ATP10B: variants seen among roughly 807,000 people sequenced by gnomAD.
The protein encoded by ATP10B is ATPase phospholipid transporting 10B (putative), also known as phospholipid-transporting ATPase VB.
In ATP10B, 122 loss-of-function variants were observed where a neutral mutation model predicts 141.2. That is an observed-to-expected ratio of 0.86 (90% confidence interval 0.75 to 1.00). The LOEUF (loss-of-function observed/expected upper bound fraction) is 1.00. Among genes scored for constraint, ATP10B ranks in the 50% least tolerant of loss-of-function variants. The pLI is 0.00. For synonymous variants in ATP10B, 685 were observed against 692.0 expected (o/e 0.99, Z 0.16); for missense variants, 1,876 against 1,825.3 (o/e 1.03, Z -0.51).
the ATP10B span, among the ~76,000 whole-genome samples, chr5:160,889,457 C>G: frequency 6.6e-6 from 1 of 152,194 alleles, no homozygotes; most frequent in African/African-American, 2.4e-5. Flanking sequence ...CCCCAAAGAA[C>G]TGATCAGCTG....
the ATP10B span, among the ~76,000 whole-genome samples, chr5:160,878,730 T>C: frequency 6.6e-6 from 1 of 152,152 alleles, no homozygotes; most frequent in African/African-American, 2.4e-5. Flanking sequence ...GCGAAGGACA[T>C]GAACAGACAC....
chr5:160,579,637 C>T (rs1325700139), intron 24 of ATP10B, among the ~76,000 whole-genome samples: 1 of 152,056 alleles, frequency 6.6e-6, no homozygotes, highest in Non-Finnish European at 1.5e-5. Context: ...TTAGCATTGT[C>T]TTGTCTATAT....
intron 2 of ATP10B, among the ~76,000 whole-genome samples, chr5:160,764,044 G>C (rs181916452): frequency 1.9e-4 from 29 of 152,088 alleles, no homozygotes; most frequent in Admixed American, 1.9e-3. Context: ...ATAACAAGTA[G>C]CATGATTGAA....
At chr5:160,747,927 T>C (rs1311591384) in intron 2 of ATP10B, among the ~76,000 whole-genome samples, 1 of 139,186 alleles carries the variant, frequency 7.2e-6, no homozygotes, top group Admixed American at 7.4e-5. Flanking sequence ...AAGTCCACCA[T>C]AGACCCTTAG....
In ATP10B at chr5:160,652,705, C is replaced by T. The variant is rs1760847615; in HGVS notation, c.676-3449G>A. 2.5e-5 allele frequency among the ~76,000 whole-genome samples: 3 copies of T among 122,400 alleles called. 1 individual carries two copies. Among genetic ancestry groups the T allele is most frequent in the African/African-American group, 6.3e-5 (2 of 31,770 alleles). 80.3% of individuals were successfully genotyped at this position (122,400 alleles called of 152,430 possible). A position where few individuals can be genotyped will look rare whatever the true frequency, so the allele number is the denominator to read the frequency against. ...AATACATATGTATAAATAATATATACATATATAATTTATATATAATATATA... is the reference window on the plus strand; with the variant it reads ...AATACATATGTATAAATAATATATATATATATAATTTATATATAATATATA... On this transcript the variant is annotated intron_variant, in intron 7 of 25. Transcript: ENST00000327245.
At chr5:160,878,195 A>G in the ATP10B span, among the ~76,000 whole-genome samples, 2 of 149,760 alleles carry the variant, frequency 1.3e-5, no homozygotes, top group African/African-American at 4.9e-5. Flanking sequence ...ATATAGATCA[A>G]TGGAACAGAA....
intron 7 of ATP10B, among the ~76,000 whole-genome samples, chr5:160,659,662 C>T (rs931036157): frequency 1.3e-5 from 2 of 151,752 alleles, no homozygotes; most frequent in African/African-American, 4.8e-5. Context: ...AAGTAGAAGA[C>T]TGGAGGAGAT....
At chr5:160,798,227 A>G (rs1772101703) in intron 1 of ATP10B, among the ~76,000 whole-genome samples, 1 of 152,192 alleles carries the variant, frequency 6.6e-6, no homozygotes, top group Non-Finnish European at 1.5e-5. Flanking sequence ...CACTGTGGCT[A>G]GAGCTCAGCT....
rs1477371219 is a variant in ATP10B at position 160,682,629 on chromosome 5, G to GCATT, written c.470+3446_470+3449dup. Among the ~76,000 whole-genome samples the GCATT allele has an allele frequency of 8.5e-5, 13 of 152,188 alleles. 1 individual carries two copies. Among genetic ancestry groups the GCATT allele is most frequent in the Non-Finnish European group, 1.6e-4 (11 of 68,006 alleles). ...GGACCAGGCTCACTGCAGCCCACGTGCATTCCTCCCTGAGGCACCAGCTTC... is the reference window on the plus strand; with the variant it reads ...GGACCAGGCTCACTGCAGCCCACGTGCATTCATTCCTCCCTGAGGCACCAGCTTC... On this transcript the variant is annotated intron_variant, in intron 6 of 25. Transcript: ENST00000327245.
the ATP10B span, among the ~76,000 whole-genome samples, chr5:160,862,590 C>T: frequency 6.6e-6 from 1 of 151,914 alleles, no homozygotes; most frequent in Admixed American, 6.6e-5. Context: ...CCTTTCATGT[C>T]ACTAACCTAA....
intron 1 of ATP10B, among the ~76,000 whole-genome samples, chr5:160,808,567 C>A (rs1309798036): frequency 6.6e-6 from 1 of 152,146 alleles, no homozygotes; most frequent in Admixed American, 6.5e-5. Flanking sequence ...TTTAAATAAA[C>A]CTTTCCCTAC....
intron 5 of ATP10B, 92 bp downstream of exon 5, chr5:160,687,708 T>C (rs1481917004): frequency 7.1e-7 from 1 of 1,411,066 alleles, no homozygotes; most frequent in Non-Finnish European, 9.7e-7. Flanking sequence ...AAGGTTGCAG[T>C]GAGCCGAGAT....
chr5:160,720,467 G>A (rs1029415836), intron 2 of ATP10B, among the ~76,000 whole-genome samples: 1 of 152,076 alleles, frequency 6.6e-6, no homozygotes, highest in Non-Finnish European at 1.5e-5. Context: ...TTTGCTCCAG[G>A]GTCCTCTGGA....
At position 160,700,897 on chromosome 5, in the gene ATP10B, T is replaced by C. The variant is rs193152197; in HGVS notation, c.-204-11954A>G. 1.2e-4 allele frequency among the ~76,000 whole-genome samples: 19 copies of C among 152,170 alleles called. 1 individual carries two copies. Among genetic ancestry groups the C allele is most frequent in the African/African-American group, 2.6e-4 (11 of 41,512 alleles). On this transcript the variant is annotated intron_variant, in intron 3 of 25. Transcript: ENST00000327245. The stretch of plus-strand genomic sequence containing the variant: ...ACATCTGCACTTGCCCCCTATTACC[T>C]CTCTCATGGAATGGCAACCCTACCC...
intron 7 of ATP10B, among the ~76,000 whole-genome samples, chr5:160,670,201 A>T (rs1393428270): frequency 6.6e-6 from 1 of 152,134 alleles, no homozygotes; most frequent in Non-Finnish European, 1.5e-5. Context: ...CCTCAGTTGA[A>T]CAGAGTGGAT....
rs1475916313 is a variant in ATP10B at position 160,598,975 on chromosome 5, A to T, written c.3364-5T>A. On this transcript the variant is annotated splice_region_variant and splice_polypyrimidine_tract_variant and intron_variant, in intron 21 of 25. Transcript: ENST00000327245. ...GAAGAGCAGGTTGACGTAGCACTGC[A>T]GGCAGAGAGCATGGCCTTGTGAGTG... 1 of 1,613,798 alleles carries T rather than the reference A, an allele frequency of 6.2e-7. No homozygotes were observed. Among genetic ancestry groups the T allele is most frequent in the Non-Finnish European group, 8.5e-7 (1 of 1,179,878 alleles).
At chr5:160,750,743 G>A (rs540207686) in intron 2 of ATP10B, among the ~76,000 whole-genome samples, 4 of 152,150 alleles carry the variant, frequency 2.6e-5, no homozygotes, top group East Asian at 1.9e-4. Flanking sequence ...AATAAGTGAC[G>A]TCGTAATTCA....
At chr5:160,779,289 C>T (rs970781870) in intron 2 of ATP10B, among the ~76,000 whole-genome samples, 3 of 152,168 alleles carry the variant, frequency 2.0e-5, no homozygotes, top group Non-Finnish European at 2.9e-5. Context: ...TTCCTACCCC[C>T]TAAGATTTAC....
At chr5:160,894,721 C>T in the ATP10B span, among the ~76,000 whole-genome samples, 8 of 152,002 alleles carry the variant, frequency 5.3e-5, no homozygotes, top group Admixed American at 2.0e-4. Flanking sequence ...AGATATTCCT[C>T]GAGAAGAGCA....
Sources: allele counts gnomAD v4.1 joint callset (sites outside exome capture counted in the v4.1 genomes callset), GRCh38; gene constraint gnomAD v4.1.1; transcripts MANE v1.5; gene names NCBI Gene and HGNC (gene_info 2026-07-23, HGNC 2026-07-21).